PSME3IP1: variants seen among roughly 807,000 people sequenced by gnomAD.
PSME3IP1 encodes the protein PSME3-interacting protein.
Under a neutral mutation model 34.1 loss-of-function variants are expected in PSME3IP1, and 13 were observed. The observed-to-expected ratio is 0.38, with a 90% CI of 0.25 to 0.61. The LOEUF (loss-of-function observed/expected upper bound fraction) is 0.61. PSME3IP1 is among the 20% of genes least tolerant of loss of function. The pLI is 0.60. For missense variants in PSME3IP1, 237 were observed against 301.4 expected (o/e 0.79, Z 1.58); for synonymous variants, 93 against 114.3 (o/e 0.81, Z 1.19).
intron 1 of PSME3IP1, among the ~76,000 whole-genome samples, chr16:57,179,262 C>T (rs1242726073): frequency 6.6e-6 from 1 of 152,192 alleles, no homozygotes; most frequent in Non-Finnish European, 1.5e-5. Flanking sequence ...ATAGGGAATT[C>T]ATGGAAAACT....
intron 4 of PSME3IP1, among the ~76,000 whole-genome samples, chr16:57,171,081 A>AC (rs1183383278): frequency 6.6e-6 from 1 of 151,936 alleles, no homozygotes; most frequent in Non-Finnish European, 1.5e-5. Context: ...CTCAAAAAAA[A>AC]AAATTGATAT....
chr16:57,182,879 C>G (rs2073860060), intron 1 of PSME3IP1, among the ~76,000 whole-genome samples: 1 of 152,148 alleles, frequency 6.6e-6, no homozygotes, highest in African/African-American at 2.4e-5. Flanking sequence ...CACTGCACTC[C>G]AGCCTGCGCG....
chr16:57,161,455 T>TA lies in PSME3IP1; in HGVS notation c.547+2545_547+2546insT, dbSNP rs561846143. ...ATGTGAATTATACCTCAATACTTTT[T>TA]TAAAAAAAAGCCATAGTAGCCAAAT... On this transcript the variant is annotated intron_variant, in intron 6 of 6. Transcript: ENST00000309137. Among the ~76,000 whole-genome samples the TA allele has an allele frequency of 5.7e-3, 862 of 152,022 alleles. 10 individuals are homozygous for TA. The highest frequency in any genetic ancestry group is 0.02 in the African/African-American group (835 of 41,342).
chr16:57,181,181 G>A (rs568762825), intron 1 of PSME3IP1, among the ~76,000 whole-genome samples: 5 of 152,110 alleles, frequency 3.3e-5, no homozygotes, highest in Non-Finnish European at 5.9e-5. Context: ...TTTAAATATC[G>A]GTTCCCTTAG....
intron 6 of PSME3IP1, among the ~76,000 whole-genome samples, chr16:57,156,109 G>A (rs1266679948): frequency 3.9e-5 from 6 of 152,258 alleles, no homozygotes; most frequent in East Asian, 1.9e-4. Flanking sequence ...AAATGTTTCC[G>A]GCCTTATTTA....
intron 1 of PSME3IP1, among the ~76,000 whole-genome samples, chr16:57,175,949 G>A (rs967467407): frequency 6.6e-6 from 1 of 152,208 alleles, no homozygotes; most frequent in Non-Finnish European, 1.5e-5. Flanking sequence ...TTAGTTTAAT[G>A]TAACAATAAG....
intron 4 of PSME3IP1, among the ~76,000 whole-genome samples, chr16:57,167,898 C>CTTT (rs1372572309): frequency 6.6e-6 from 1 of 152,226 alleles, no homozygotes; most frequent in Admixed American, 6.5e-5. Flanking sequence ...TATACAAGAA[C>CTTT]TGAAAAGCTA....
In PSME3IP1 at chr16:57,167,153, A is replaced by G. The variant is rs768246575; in HGVS notation, c.422T>C (p.Ile141Thr). 52 of 1,614,078 alleles carry G rather than the reference A, an allele frequency of 3.2e-5. No homozygotes were observed. The Admixed American group carries it at 8.3e-4, about 26-fold the overall frequency. ...CTGGGAGAACTTGTTCTTGGTTTCTATAGGCTTCACAGTCAGTTTCTTTTC... is the reference window on the plus strand; with the variant it reads ...CTGGGAGAACTTGTTCTTGGTTTCTGTAGGCTTCACAGTCAGTTTCTTTTC... ...EVEKKLTVKP[I>T]ETKNKFSQAK... is the part of the protein sequence containing the mutation. Residue 141 changes from isoleucine to threonine, a missense_variant, in exon 5 of 7, where the codon ATA (isoleucine) becomes ACA (threonine). By Grantham distance (89) the Ile-to-Thr change is moderately conservative. Transcript: ENST00000309137.
At chr16:57,174,350 G>T in intron 1 of PSME3IP1, 1 of 680,680 alleles carries the variant, frequency 1.5e-6, no homozygotes, top group Non-Finnish European at 1.8e-6. Flanking sequence ...GAAAGCACAT[G>T]AATACATTTT....
intron 4 of PSME3IP1, among the ~76,000 whole-genome samples, chr16:57,168,523 C>T (rs1467525576): frequency 6.6e-6 from 1 of 151,584 alleles, no homozygotes; most frequent in Non-Finnish European, 1.5e-5. Flanking sequence ...ATAGATTGGC[C>T]AGGCACAGTG....
rs533455454 is a variant in PSME3IP1 at position 57,183,584 on chromosome 16, C to G, written c.-16+2237G>C. 7.9e-5 allele frequency among the ~76,000 whole-genome samples: 12 copies of G among 151,770 alleles called. No homozygotes were observed. In the South Asian group the frequency reaches 1.9e-3, roughly 24 times the overall value. On this transcript the variant is annotated intron_variant, in intron 1 of 6. Coordinates refer to ENST00000309137, the MANE Select transcript of PSME3IP1 (RefSeq NM_024946.4). Reference sequence around the variant, plus strand: ...CTGACCTCAAGTGATCTGCCCACCTCGACCTACCAAAGTGCTGGGATTACA... The same window carrying G: ...CTGACCTCAAGTGATCTGCCCACCTGGACCTACCAAAGTGCTGGGATTACA...
At chr16:57,174,756 C>T in intron 1 of PSME3IP1, 3 of 906,122 alleles carry the variant, frequency 3.3e-6, no homozygotes, top group Non-Finnish European at 2.6e-6. Flanking sequence ...GATCTCCCAA[C>T]TTCAGTTCCA....
chr16:57,179,194 T>C (rs1390923241), intron 1 of PSME3IP1, among the ~76,000 whole-genome samples: 8 of 152,206 alleles, frequency 5.3e-5, no homozygotes, highest in African/African-American at 1.7e-4. Context: ...GTGACTCAAG[T>C]TTAATTATCA....
chr16:57,171,166 G>A (rs1304453345), intron 4 of PSME3IP1, among the ~76,000 whole-genome samples: 2 of 152,174 alleles, frequency 1.3e-5, no homozygotes, highest in Admixed American at 6.5e-5. Flanking sequence ...GCTGAGCTGT[G>A]AAATGCATCT....
intron 4 of PSME3IP1, among the ~76,000 whole-genome samples, chr16:57,168,039 T>C (rs2072107143): frequency 2.0e-5 from 3 of 152,196 alleles, no homozygotes; most frequent in African/African-American, 7.2e-5. Flanking sequence ...TCACTTTCAC[T>C]TGTTCCCTCC....
intron 4 of PSME3IP1, 76 bp downstream of exon 4, chr16:57,172,175 G>A: frequency 6.6e-7 from 1 of 1,511,308 alleles, no homozygotes; most frequent in South Asian, 1.2e-5. Flanking sequence ...TCTTTCTGTT[G>A]ATGAGGAGAC....
rs372644692 is a variant in PSME3IP1 at position 57,164,014 on chromosome 16, A to T, written c.534T>A (p.Asp178Glu). 25 of 1,614,058 alleles carry T rather than the reference A, an allele frequency of 1.5e-5. No homozygotes were observed. Among genetic ancestry groups the T allele is most frequent in the East Asian group, 6.7e-5 (3 of 44,894 alleles). The change falls in exon 6 of 7, where the codon GAT becomes GAA. Residue 178 changes from aspartate to glutamate, a missense_variant. Transcript: ENST00000309137. ...VKRLKPDPEP[D>E]DKNQEPSSCK... ...GCTGCCACCCACCTTGATTCTTGTC[A>T]TCTGGCTCAGGGTCCGGTTTCAGTC...
intron 4 of PSME3IP1, among the ~76,000 whole-genome samples, chr16:57,169,293 G>A (rs555016099): frequency 3.2e-4 from 48 of 152,250 alleles, no homozygotes; most frequent in African/African-American, 1.2e-3. Flanking sequence ...CAAGAGTTCT[G>A]TTATTTACAT....
chr16:57,184,615 G>C (rs1337197788), intron 1 of PSME3IP1, among the ~76,000 whole-genome samples: 1 of 152,226 alleles, frequency 6.6e-6, no homozygotes, highest in Non-Finnish European at 1.5e-5. Flanking sequence ...CACTATGACT[G>C]ACCCTGTACG....
Sources: allele counts gnomAD v4.1 joint callset (sites outside exome capture counted in the v4.1 genomes callset), GRCh38; gene constraint gnomAD v4.1.1; transcripts MANE v1.5; gene names NCBI Gene and HGNC (gene_info 2026-07-23, HGNC 2026-07-21).